DRC5: variants seen among roughly 807,000 people sequenced by gnomAD.
The protein encoded by DRC5 is dynein regulatory complex subunit 5, also known as T-complex-associated testis-expressed protein 1.
the DRC5 span, among the ~76,000 whole-genome samples, chr6:44,281,057 G>C: frequency 2.6e-5 from 4 of 152,340 alleles, no homozygotes; most frequent in African/African-American, 9.6e-5. Flanking sequence ...GCACGTGTGT[G>C]TGCGTGTATG....
the DRC5 span, among the ~76,000 whole-genome samples, chr6:44,296,144 T>C: frequency 2.0e-5 from 3 of 152,214 alleles, no homozygotes; most frequent in Admixed American, 1.3e-4. Context: ...GCTGAGGTTT[T>C]AGTTTGTGTC....
At chr6:44,292,416 C>T in the DRC5 span, among the ~76,000 whole-genome samples, 1 of 152,162 alleles carries the variant, frequency 6.6e-6, no homozygotes, top group Non-Finnish European at 1.5e-5. Context: ...TTGTCAGACC[C>T]CATCTTTCCA....
chr6:44,287,450 C>G, the DRC5 span: 1 of 1,290,162 alleles, frequency 7.8e-7, no homozygotes, highest in East Asian at 2.4e-5. Flanking sequence ...AGGGGCTGCC[C>G]CAGGACCCAG....
chr6:44,284,648 C>T, the DRC5 span, among the ~76,000 whole-genome samples: 58 of 152,296 alleles, frequency 3.8e-4, no homozygotes, highest in African/African-American at 1.4e-3. Flanking sequence ...CCTCACAAGC[C>T]AGAGGTCTTG....
the DRC5 span, among the ~76,000 whole-genome samples, chr6:44,293,052 G>A: frequency 2.0e-5 from 3 of 152,162 alleles, no homozygotes; most frequent in Non-Finnish European, 4.4e-5. Context: ...TCACAGTTTG[G>A]TGAGTGAAAA....
At chr6:44,288,026 G>T in the DRC5 span, 1 of 563,632 alleles carries the variant, frequency 1.8e-6, no homozygotes, top group Non-Finnish European at 2.9e-6. Context: ...CTGGAGTGAA[G>T]CAGATCCAAG....
the DRC5 span, among the ~76,000 whole-genome samples, chr6:44,297,065 C>A: frequency 6.6e-6 from 1 of 152,248 alleles, no homozygotes; most frequent in Non-Finnish European, 1.5e-5. Context: ...GCTCTGGAGT[C>A]TCCCACCCCT....
At chr6:44,279,746 A>G in the DRC5 span, 1 of 125,722 alleles carries the variant, frequency 8.0e-6, no homozygotes. Context: ...CTGTAGCCAG[A>G]GGGTGTGTGT....
At chr6:44,287,591 G>C in the DRC5 span, 1 of 1,614,012 alleles carries the variant, frequency 6.2e-7, no homozygotes, top group African/African-American at 1.3e-5. Context: ...AGCTCTGTGA[G>C]GAGGGGCACG....
At chr6:44,280,833 AG>A in the DRC5 span, among the ~76,000 whole-genome samples, 4 of 152,230 alleles carry the variant, frequency 2.6e-5, no homozygotes, top group Non-Finnish European at 5.9e-5. Flanking sequence ...TGGGACTGAC[AG>A]AAGCACTAGC....
chr6:44,294,781 A>AG, the DRC5 span, among the ~76,000 whole-genome samples: 1 of 150,612 alleles, frequency 6.6e-6, no homozygotes, highest in Non-Finnish European at 1.5e-5. Flanking sequence ...TCAAAAAAAA[A>AG]AAAAAAAAAA....
chr6:44,282,625 T>G, the DRC5 span: 1 of 1,457,352 alleles, frequency 6.9e-7, no homozygotes, highest in African/African-American at 1.4e-5. Context: ...CACCTAGATC[T>G]TTGGCAAACT....
the DRC5 span, among the ~76,000 whole-genome samples, chr6:44,290,205 C>T: frequency 2.6e-5 from 4 of 152,080 alleles, no homozygotes; most frequent in Admixed American, 6.5e-5. Context: ...TTAGTGGTAC[C>T]GGCTGACTTT....
the DRC5 span, among the ~76,000 whole-genome samples, chr6:44,286,954 C>T: frequency 6.6e-6 from 1 of 152,218 alleles, no homozygotes; most frequent in Non-Finnish European, 1.5e-5. Context: ...GTCCCACGTG[C>T]TGGAGATAGA....
At chr6:44,293,090 GAA>G in the DRC5 span, among the ~76,000 whole-genome samples, 3 of 152,256 alleles carry the variant, frequency 2.0e-5, no homozygotes, top group South Asian at 2.1e-4. Context: ...ATCAGTAGAT[GAA>G]AGAGTTCAAT....
the DRC5 span, among the ~76,000 whole-genome samples, chr6:44,292,460 C>T: frequency 1.3e-5 from 2 of 152,202 alleles, no homozygotes; most frequent in Admixed American, 6.5e-5. Context: ...TGACTGCCCA[C>T]CCGTTCCCCA....
chr6:44,281,922 G>T, the DRC5 span, among the ~76,000 whole-genome samples: 2 of 152,136 alleles, frequency 1.3e-5, no homozygotes, highest in African/African-American at 4.8e-5. Context: ...ATATGCTTAG[G>T]GTTAATATAC....
At chr6:44,290,137 C>T in the DRC5 span, among the ~76,000 whole-genome samples, 12 of 152,142 alleles carry the variant, frequency 7.9e-5, no homozygotes, top group Non-Finnish European at 1.5e-4. Context: ...GTGGAATAAC[C>T]AGATAGTGCT....
chr6:44,282,414 A>G, the DRC5 span: 1 of 1,614,096 alleles, frequency 6.2e-7, no homozygotes, highest in Non-Finnish European at 8.5e-7. Flanking sequence ...GCTGTGGCTC[A>G]GCAGCTTGGC....
Sources: gnomAD v4.1 joint callset for allele counts (sites outside exome capture counted in the v4.1 genomes callset) on GRCh38, gnomAD v4.1.1 for gene constraint, MANE v1.5 for transcripts, NCBI Gene and HGNC (gene_info 2026-07-23, HGNC 2026-07-21) for gene names.